Variants in TUSC3 observed in about 807,000 individuals in gnomAD.
TUSC3 encodes tumor suppressor candidate 3.
TUSC3 carries 45 observed loss-of-function variants against 44.8 expected under a neutral mutation model. That is an observed-to-expected ratio of 1.00 (90% CI 0.79 to 1.29). The LOEUF (loss-of-function observed/expected upper bound fraction) is 1.29, where lower values mean the gene tolerates loss of function less well. Among genes scored for constraint, TUSC3 ranks in the 50% most tolerant of loss-of-function variants. TUSC3 has a pLI of 0.00. For missense variants in TUSC3, 519 were observed against 437.9 expected (o/e 1.19, Z -1.65); for synonymous variants, 212 against 152.9 (o/e 1.39, Z -2.85).
At chr8:15,748,502 T>G in intron 9 of TUSC3, 37 bp downstream of exon 9, 1 of 1,460,690 alleles carries the variant, frequency 6.8e-7, no homozygotes, top group Non-Finnish European at 9.6e-7. Flanking sequence ...TTTTTATTTT[T>G]AACTAATAGA....
chr8:15,733,743 C>G (rs1209373568), intron 7 of TUSC3: 1 of 153,286 alleles, frequency 6.5e-6, no homozygotes. Context: ...AAATGGTGGA[C>G]TCATTATCAG....
At chr8:15,775,310 G>C in the TUSC3 span, among the ~76,000 whole-genome samples, 2 of 152,078 alleles carry the variant, frequency 1.3e-5, no homozygotes. Flanking sequence ...ATGAGGGGTA[G>C]GATGGGGAGT....
chr8:15,793,528 C>A, the TUSC3 span, among the ~76,000 whole-genome samples: 1 of 152,186 alleles, frequency 6.6e-6, no homozygotes, highest in Non-Finnish European at 1.5e-5. Flanking sequence ...TCCCTACACC[C>A]TGTGTAAAAT....
At chr8:15,583,853 A>AT (rs1803483314) in intron 1 of TUSC3, among the ~76,000 whole-genome samples, 1 of 152,184 alleles carries the variant, frequency 6.6e-6, no homozygotes, top group Admixed American at 6.5e-5. Context: ...ACAAACCCTT[A>AT]TTTTATTAGA....
At chr8:15,736,887 T>G (rs937813076) in intron 7 of TUSC3, among the ~76,000 whole-genome samples, 2 of 152,140 alleles carry the variant, frequency 1.3e-5, no homozygotes, top group Admixed American at 6.6e-5. Flanking sequence ...ACACGTGAGT[T>G]CTAGGATAAG....
chr8:15,536,533 T>C (rs1244403429), upstream of TUSC3, among the ~76,000 whole-genome samples: 1 of 151,104 alleles, frequency 6.6e-6, no homozygotes. Context: ...AACACAAAAA[T>C]TAGCCGGGCG....
At chr8:15,839,360 T>C in the TUSC3 span, among the ~76,000 whole-genome samples, 2 of 152,176 alleles carry the variant, frequency 1.3e-5, no homozygotes, top group African/African-American at 2.4e-5. Context: ...TTCTTTCTCC[T>C]GCCTGATTGC....
intron 1 of TUSC3, among the ~76,000 whole-genome samples, chr8:15,474,645 G>T (rs568087782): frequency 6.6e-6 from 1 of 152,278 alleles, no homozygotes; most frequent in East Asian, 1.9e-4. Flanking sequence ...TCATTTTACA[G>T]TTGGGGGATT....
At chr8:15,830,254 T>G in the TUSC3 span, among the ~76,000 whole-genome samples, 628 of 152,320 alleles carry the variant, frequency 4.1e-3, 1 homozygote, top group Non-Finnish European at 6.9e-3. Flanking sequence ...GTCTGCTTAT[T>G]CTGTTGATCA....
the TUSC3 span, among the ~76,000 whole-genome samples, chr8:15,825,881 GTTTCT>G: frequency 1.9e-5 from 2 of 106,056 alleles, no homozygotes; most frequent in Non-Finnish European, 3.7e-5. Context: ...ATCAACAGTT[GTTTCT>G]TTTTTTTTTT....
intron 1 of TUSC3, among the ~76,000 whole-genome samples, chr8:15,444,551 A>G (rs1205441138): frequency 6.6e-6 from 1 of 152,162 alleles, no homozygotes; most frequent in Non-Finnish European, 1.5e-5. Context: ...CTGATCAGAT[A>G]GGGAGAGTGG....
intron 2 of TUSC3, among the ~76,000 whole-genome samples, chr8:15,630,336 A>G (rs976360487): frequency 4.6e-5 from 7 of 152,190 alleles, no homozygotes; most frequent in African/African-American, 1.7e-4. Context: ...AAGAATAAAT[A>G]ACATTACATT....
intron 2 of TUSC3, among the ~76,000 whole-genome samples, chr8:15,510,849 T>C (rs1403642668): frequency 6.6e-6 from 1 of 152,192 alleles, no homozygotes; most frequent in Non-Finnish European, 1.5e-5. Flanking sequence ...GCAAATTTAA[T>C]TTAACAGTGT....
At chr8:15,801,352 G>T in the TUSC3 span, among the ~76,000 whole-genome samples, 1 of 152,142 alleles carries the variant, frequency 6.6e-6, no homozygotes, top group Non-Finnish European at 1.5e-5. Context: ...GCTGTAACAG[G>T]AACAGTTTAA....
At chr8:15,698,339 T>C (rs1488886926) in intron 6 of TUSC3, among the ~76,000 whole-genome samples, 1 of 152,204 alleles carries the variant, frequency 6.6e-6, no homozygotes, top group Admixed American at 6.5e-5. Context: ...ACTCTGTAAG[T>C]TAGGACTTTA....
intron 8 of TUSC3, 45 bp downstream of exon 8, chr8:15,743,657 A>T: frequency 6.3e-7 from 1 of 1,595,238 alleles, no homozygotes; most frequent in Non-Finnish European, 8.6e-7. Flanking sequence ...TTTAGTCTTA[A>T]GATTCATTTA....
chr8:15,559,401 C>G lies in TUSC3; in HGVS notation c.138+18833C>G, dbSNP rs1382977363. Among the ~76,000 whole-genome samples the G allele has an allele frequency of 1.3e-5, 2 of 148,554 alleles. 1 individual carries two copies. The highest frequency in any genetic ancestry group is 4.0e-4 in the East Asian group (2 of 4,972). On this transcript the variant is annotated intron_variant, in intron 1 of 10. Transcript: ENST00000503731. ...TATAATTTCTGTTCTTTTACATTTG[C>G]TGAGGAGAGCTTTACTTCCAAGTAT...
chr8:15,694,820 CT>C (rs1341504380), intron 6 of TUSC3, among the ~76,000 whole-genome samples: 2 of 152,108 alleles, frequency 1.3e-5, no homozygotes, highest in East Asian at 3.9e-4. Flanking sequence ...TCCCAGATTG[CT>C]GGTCACAACA....
chr8:15,676,856 T>C (rs564471931), intron 6 of TUSC3, among the ~76,000 whole-genome samples: 10 of 152,244 alleles, frequency 6.6e-5, no homozygotes, highest in Admixed American at 3.3e-4. Context: ...ATCTAGCATA[T>C]AACCCCAAAG....
Sources: allele counts gnomAD v4.1 joint callset (sites outside exome capture counted in the v4.1 genomes callset), GRCh38; gene constraint gnomAD v4.1.1; transcripts MANE v1.5; gene names NCBI Gene and HGNC (gene_info 2026-07-23, HGNC 2026-07-21).